Variants in KIAA0825 observed in about 807,000 individuals in gnomAD.
The protein encoded by KIAA0825 is uncharacterized protein KIAA0825.
KIAA0825 carries 119 observed loss-of-function variants against 147.6 expected under a neutral mutation model. That is an observed-to-expected ratio of 0.81 (90% CI 0.69 to 0.94). The LOEUF is 0.94. Among genes scored for constraint, KIAA0825 ranks in the 40% least tolerant of loss-of-function variants. The pLI, the probability that KIAA0825 is intolerant of heterozygous loss-of-function variation, is 0.00. For synonymous variants in KIAA0825, 470 were observed against 518.1 expected, an observed-to-expected ratio of 0.91 and a Z score of 1.26; for missense variants, 1,381 against 1,472.7, an observed-to-expected ratio of 0.94 and a Z score of 1.02.
intron 5 of KIAA0825, among the ~76,000 whole-genome samples, chr5:94,502,536 A>G (rs1765215843): frequency 1.3e-5 from 2 of 152,338 alleles, no homozygotes; most frequent in South Asian, 2.1e-4. Context: ...ATTCTAAACT[A>G]TTAAACAAAG....
chr5:94,439,685 C>T (rs560247885), intron 14 of KIAA0825, among the ~76,000 whole-genome samples: 2 of 152,272 alleles, frequency 1.3e-5, no homozygotes, highest in South Asian at 2.1e-4. Flanking sequence ...TGCAGTCCTA[C>T]AATTTTTTTA....
At chr5:94,421,890 C>A (rs542243057) in intron 14 of KIAA0825, among the ~76,000 whole-genome samples, 1 of 152,096 alleles carries the variant, frequency 6.6e-6, no homozygotes, top group African/African-American at 2.4e-5. Context: ...AAGGTCTGTG[C>A]CCTGGAAACC....
rs1175360792 is a variant in KIAA0825 at position 94,152,856 on chromosome 5, TTATATATATA to T, written c.*1141_*1150del. ...AAAAAAAAAAAAAAAAAAAAAAAAATTATATATATATATATATATATATATATATATATAT... is the reference window on the plus strand; with the variant it reads ...AAAAAAAAAAAAAAAAAAAAAAAAATTATATATATATATATATATATATAT... On this transcript the variant is annotated 3_prime_UTR_variant, in exon 21 of 21. Transcript: ENST00000682413. The T allele has an allele frequency of 1.1e-3, 3 of 2,770 alleles. No individual in the cohort carries two copies. The highest frequency in any genetic ancestry group is 0.024 in the South Asian group (1 of 42). The allele number at this position is 2,770 out of a possible 1,614,324, so 0.2% of individuals were successfully genotyped here.
intron 20 of KIAA0825, among the ~76,000 whole-genome samples, chr5:94,375,277 C>T (rs1747381492): frequency 6.6e-6 from 1 of 152,002 alleles, no homozygotes; most frequent in Non-Finnish European, 1.5e-5. Flanking sequence ...GTGATCTGCC[C>T]ACCTCGGCCT....
At chr5:94,419,419 C>A (rs1411176609) in intron 14 of KIAA0825, among the ~76,000 whole-genome samples, 3 of 152,186 alleles carry the variant, frequency 2.0e-5, no homozygotes, top group Non-Finnish European at 4.4e-5. Context: ...TCCCCTTCCT[C>A]CACTGTTAAA....
In KIAA0825 at chr5:94,452,950, G is replaced by C. The variant is rs1431477826; in HGVS notation, c.2357+9C>G. Reference sequence around the variant, plus strand: ...AATTATAGATAGTATGGCATTTAGAGGCTCTCACCTGAGTAAAGAAGGGTA... The same window carrying C: ...AATTATAGATAGTATGGCATTTAGACGCTCTCACCTGAGTAAAGAAGGGTA... On this transcript the variant is annotated intron_variant, in intron 13 of 20. Transcript: ENST00000682413. 4 of 1,364,722 alleles carry C rather than the reference G, an allele frequency of 2.9e-6. No individual in the cohort carries two copies. The highest frequency in any genetic ancestry group is 3.9e-6 in the Non-Finnish European group (4 of 1,016,664). The allele number at this position is 1,364,722 out of a possible 1,614,324, so 84.5% of individuals were successfully genotyped here. A position where few individuals can be genotyped will look rare whatever the true frequency, so the allele number is the denominator to read the frequency against.
chr5:94,267,774 G>T (rs767257964), intron 20 of KIAA0825, among the ~76,000 whole-genome samples: 2 of 151,936 alleles, frequency 1.3e-5, no homozygotes, highest in East Asian at 1.9e-4. Context: ...TCATTTTTAC[G>T]TTCTCTTTTT....
intron 20 of KIAA0825, among the ~76,000 whole-genome samples, chr5:94,266,511 A>C: frequency 6.6e-6 from 1 of 152,324 alleles, no homozygotes; most frequent in Non-Finnish European, 1.5e-5. Flanking sequence ...ATTAAAAAAA[A>C]TCCACAATGA....
At chr5:94,427,163 G>T (rs915159584) in intron 14 of KIAA0825, among the ~76,000 whole-genome samples, 3 of 152,168 alleles carry the variant, frequency 2.0e-5, no homozygotes, top group African/African-American at 7.2e-5. Context: ...GAAACCATAT[G>T]TAAGTATAAG....
intron 20 of KIAA0825, among the ~76,000 whole-genome samples, chr5:94,359,470 G>A (rs1455940811): frequency 6.6e-6 from 1 of 152,248 alleles, no homozygotes; most frequent in East Asian, 1.9e-4. Context: ...AAGAAAGTGT[G>A]CTGAGGCCAT....
chr5:94,557,259 G>T (rs1023496970), intron 2 of KIAA0825, among the ~76,000 whole-genome samples: 8 of 151,964 alleles, frequency 5.3e-5, no homozygotes, highest in Non-Finnish European at 1.0e-4. Flanking sequence ...CTACAGGCAC[G>T]TGCTACCATG....
intron 5 of KIAA0825, among the ~76,000 whole-genome samples, chr5:94,495,175 G>A (rs1006062509): frequency 6.6e-6 from 1 of 152,168 alleles, no homozygotes; most frequent in South Asian, 2.1e-4. Context: ...AATCCCTAGT[G>A]CCCACCTGAA....
chr5:94,518,923 G>C (rs73145052), intron 5 of KIAA0825, among the ~76,000 whole-genome samples: 3 of 151,634 alleles, frequency 2.0e-5, no homozygotes, highest in African/African-American at 7.3e-5. Flanking sequence ...TAAAACTTTC[G>C]TATTGAAAAG....
intron 14 of KIAA0825, among the ~76,000 whole-genome samples, chr5:94,428,083 C>T (rs115078776): frequency 0.024 from 3,545 of 150,600 alleles, 121 homozygotes; most frequent in African/African-American, 0.082. Context: ...TTACTTTGAG[C>T]CTATGGGTGT....
intron 11 of KIAA0825, among the ~76,000 whole-genome samples, chr5:94,463,085 C>T (rs1418806669): frequency 2.0e-5 from 3 of 151,796 alleles, no homozygotes; most frequent in Non-Finnish European, 3.0e-5. Flanking sequence ...ATCGAGAAGC[C>T]TATAGTTTCA....
chr5:94,234,817 T>G (rs1774950874), intron 20 of KIAA0825, among the ~76,000 whole-genome samples: 1 of 152,074 alleles, frequency 6.6e-6, no homozygotes, highest in African/African-American at 2.4e-5. Context: ...CCTCCAACAT[T>G]GGGGATTACA....
chr5:94,439,299 G>C (rs1417862978), intron 14 of KIAA0825, among the ~76,000 whole-genome samples: 1 of 152,088 alleles, frequency 6.6e-6, no homozygotes, highest in Non-Finnish European at 1.5e-5. Context: ...TAATAGGAGA[G>C]ATGCACAGGA....
intron 16 of KIAA0825, among the ~76,000 whole-genome samples, chr5:94,397,128 C>A (rs537769512): frequency 6.6e-6 from 1 of 152,252 alleles, no homozygotes; most frequent in African/African-American, 2.4e-5. Context: ...TTTTCCTGCA[C>A]ACTGTCACCC....
intron 20 of KIAA0825, among the ~76,000 whole-genome samples, chr5:94,188,052 C>T (rs1199663308): frequency 1.3e-5 from 2 of 152,182 alleles, no homozygotes; most frequent in Admixed American, 6.5e-5. Context: ...AGAGATTTCT[C>T]ATCCTCTTTC....
Sources: allele counts gnomAD v4.1 joint callset (sites outside exome capture counted in the v4.1 genomes callset), GRCh38; gene constraint gnomAD v4.1.1; transcripts MANE v1.5; gene names NCBI Gene and HGNC (gene_info 2026-07-23, HGNC 2026-07-21).